The following TMCO4 variants were observed in gnomAD, a reference collection of about 807,000 sequenced individuals.
TMCO4 encodes the protein transmembrane and coiled-coil domains 4, also known as transmembrane and coiled-coil domain-containing protein 4.
Under a neutral mutation model 64.7 loss-of-function variants are expected in TMCO4, and 58 were observed. The ratio of observed to expected loss-of-function variants is 0.90; its 90% CI spans 0.73 to 1.12. TMCO4 has a LOEUF of 1.12. Among genes scored for constraint, TMCO4 ranks in the 50% most tolerant of loss-of-function variants. TMCO4 has a pLI of 0.00. For missense variants in TMCO4, 780 were observed against 825.9 expected, an observed-to-expected ratio of 0.94 and a Z score of 0.68; for synonymous variants, 325 against 346.1, an observed-to-expected ratio of 0.94 and a Z score of 0.68.
At chr1:19,791,403 T>C (rs2044029483) in intron 2 of TMCO4, among the ~76,000 whole-genome samples, 1 of 151,996 alleles carries the variant, frequency 6.6e-6, no homozygotes, top group Non-Finnish European at 1.5e-5. Context: ...GCTTCTCAGC[T>C]CTCCATGATG....
intron 6 of TMCO4, among the ~76,000 whole-genome samples, chr1:19,762,148 AG>A (rs1406519143): frequency 1.3e-5 from 2 of 152,188 alleles, no homozygotes; most frequent in Admixed American, 6.5e-5. Flanking sequence ...TTCCACTATG[AG>A]TGCCTTTTAA....
intron 4 of TMCO4, among the ~76,000 whole-genome samples, chr1:19,773,541 G>T (rs2043079145): frequency 6.6e-6 from 1 of 152,224 alleles, no homozygotes; most frequent in South Asian, 2.1e-4. Context: ...CTTCAGCTGA[G>T]GCAGGCCCAA....
intron 13 of TMCO4, among the ~76,000 whole-genome samples, chr1:19,721,068 A>G (rs1472891753): frequency 6.6e-6 from 1 of 152,202 alleles, no homozygotes; most frequent in Non-Finnish European, 1.5e-5. Context: ...CCAACCTCAG[A>G]GGAATGCTCC....
chr1:19,694,444 A>G lies in TMCO4; in HGVS notation c.1490T>C (p.Leu497Pro). ...CAGGCCGACACTCACCACAGAGGTC[A>G]GGTCCACGTTCTCCACCCTCCTGTC... ...LQDRRVENVD[L>P]TSVVSGHLDY... is the part of the protein sequence containing the mutation. Residue 497 changes from leucine (L) to proline (P), a missense_variant, in exon 15 of 16, where the codon CTG becomes CCG. Leu to Pro is a moderately conservative substitution (Grantham distance 98). Transcript: ENST00000294543. 2 of 1,613,878 alleles carry G rather than the reference A, an allele frequency of 1.2e-6. No individual in the cohort carries two copies. The highest frequency in any genetic ancestry group is 1.1e-5 in the South Asian group (1 of 91,052).
chr1:19,701,737 G>T (rs573587251), intron 13 of TMCO4, among the ~76,000 whole-genome samples: 1 of 152,224 alleles, frequency 6.6e-6, no homozygotes, highest in East Asian at 1.9e-4. Context: ...AGTGGGGGGT[G>T]AAGAGGAGAG....
rs55783904 is a variant in TMCO4 at position 19,685,710 on chromosome 1, C to CTTTTTTTTTTTT, written c.1501-2278_1501-2267dup. Among the ~76,000 whole-genome samples the CTTTTTTTTTTTT allele has an allele frequency of 2.3e-3, 249 of 106,586 alleles. 23 individuals carry two copies. Among genetic ancestry groups the CTTTTTTTTTTTT allele is most frequent in the Middle Eastern group, 5.4e-3 (1 of 184 alleles). 69.9% of individuals were successfully genotyped at this position (106,586 alleles called of 152,430 possible). A position where few individuals can be genotyped will look rare whatever the true frequency, so the allele number is the denominator to read the frequency against. ...CTGGGATTTGAATCCAGGCCTGTTT[C>CTTTTTTTTTTTT]TTTTTTTTTTTTTTTTTTTTTGAGA... On this transcript the variant is annotated intron_variant, in intron 15 of 15. Coordinates refer to ENST00000294543, the MANE Select transcript of TMCO4 (RefSeq NM_181719.7).
chr1:19,734,182 G>A lies in TMCO4; in HGVS notation c.1264+3190C>T, dbSNP rs1271711807. 6.6e-6 allele frequency among the ~76,000 whole-genome samples: 1 copy of A among 152,170 alleles called. No individual in the cohort carries two copies. Among genetic ancestry groups the A allele is most frequent in the Non-Finnish European group, 1.5e-5 (1 of 68,032 alleles). ...ACCAAGAGGGAACAATGGAAATAGA[G>A]CTTGGTCTGCTGGAGCCCGGCATGT... On this transcript the variant is annotated intron_variant, in intron 13 of 15. Transcript: ENST00000294543. This position sits in a 1 kb window ranked among gnomAD's most constrained non-coding sequence, Gnocchi z 4.4.
intron 15 of TMCO4, among the ~76,000 whole-genome samples, chr1:19,684,566 C>T (rs774036943): frequency 8.5e-5 from 13 of 152,138 alleles, no homozygotes; most frequent in Non-Finnish European, 2.9e-5. Context: ...GTAGTTTCAC[C>T]AGAGGTTGGC....
chr1:19,723,659 C>T (rs796614365), intron 13 of TMCO4, among the ~76,000 whole-genome samples: 2 of 152,230 alleles, frequency 1.3e-5, no homozygotes, highest in Admixed American at 6.5e-5. Context: ...ATCATCACTG[C>T]GTTTCAGGGT....
intron 15 of TMCO4, among the ~76,000 whole-genome samples, chr1:19,691,498 C>G (rs888564099): frequency 1.3e-5 from 2 of 152,182 alleles, no homozygotes; most frequent in African/African-American, 4.8e-5. Context: ...CCCATGTTAT[C>G]AAATGCTCAG....
intron 13 of TMCO4, among the ~76,000 whole-genome samples, chr1:19,712,295 C>T (rs995748711): frequency 6.6e-6 from 1 of 152,138 alleles, no homozygotes; most frequent in Admixed American, 6.6e-5. Context: ...TAACATCAAA[C>T]ATCACTGATC....
chr1:19,702,482 C>A (rs866816368), intron 13 of TMCO4, among the ~76,000 whole-genome samples: 9 of 152,016 alleles, frequency 5.9e-5, no homozygotes, highest in African/African-American at 2.2e-4. Context: ...GTAATCCCAG[C>A]TATTTGGGAG....
chr1:19,711,680 A>G (rs1274363237), intron 13 of TMCO4, among the ~76,000 whole-genome samples: 1 of 150,794 alleles, frequency 6.6e-6, no homozygotes, highest in Non-Finnish European at 1.5e-5. Context: ...TTTTTGAGAC[A>G]GAGTTTTGCT....
chr1:19,780,511 C>T, intron 4 of TMCO4, 69 bp downstream of exon 4: 9 of 1,509,838 alleles, frequency 6.0e-6, no homozygotes, highest in Non-Finnish European at 8.0e-6. Context: ...GCCTGGCAGG[C>T]TGTTTGGCTG....
intron 14 of TMCO4, among the ~76,000 whole-genome samples, chr1:19,695,924 G>A (rs2095233373): frequency 3.9e-5 from 6 of 152,174 alleles, no homozygotes; most frequent in South Asian, 4.2e-4. Context: ...TATGGCCAAC[G>A]TATCAGAGTC....
In TMCO4 at chr1:19,734,667, C is replaced by T. The variant is rs1557533174; in HGVS notation, c.1264+2705G>A. Reference sequence around the variant, plus strand: ...CACCGTTTCTAGACACCCCTGAGAGCCCCGCCTTTGCCCATGCTGGCCGAC... The same window carrying T: ...CACCGTTTCTAGACACCCCTGAGAGTCCCGCCTTTGCCCATGCTGGCCGAC... On this transcript the variant is annotated intron_variant, in intron 13 of 15. Transcript: ENST00000294543. This position sits in a 1 kb window ranked among gnomAD's most constrained non-coding sequence, Gnocchi z 4.4. Among the ~76,000 whole-genome samples the T allele has an allele frequency of 6.6e-6, 1 of 152,154 alleles. No homozygotes were observed. The highest frequency in any genetic ancestry group is 6.5e-5 in the Admixed American group (1 of 15,276).
chr1:19,692,815 T>G (rs1243758609), intron 15 of TMCO4, among the ~76,000 whole-genome samples: 1 of 151,946 alleles, frequency 6.6e-6, no homozygotes, highest in African/African-American at 2.4e-5. Flanking sequence ...AGTGTCCACA[T>G]GGGAAGCTAT....
At position 19,704,889 on chromosome 1, in the gene TMCO4, A is replaced by G. The variant is rs528308002; in HGVS notation, c.1265-4004T>C. ...GCCAAACCAAGCTGGCAACACATTT[A>G]CCCATCTCTGAAGCTGGGCTGGCAG... On this transcript the variant is annotated intron_variant, in intron 13 of 15. Transcript: ENST00000294543. Among the ~76,000 whole-genome samples, 8 of 152,174 alleles carry G rather than the reference A, an allele frequency of 5.3e-5. No individual in the cohort carries two copies. In the South Asian group the frequency reaches 1.7e-3, roughly 32 times the overall value.
chr1:19,744,812 G>C (rs924178924), intron 10 of TMCO4, among the ~76,000 whole-genome samples: 46 of 152,202 alleles, frequency 3.0e-4, no homozygotes, highest in African/African-American at 1.1e-3. Flanking sequence ...TTCCCCTATT[G>C]TGCCATCCAT....
Sources: allele counts gnomAD v4.1 joint callset (sites outside exome capture counted in the v4.1 genomes callset), GRCh38; gene constraint gnomAD v4.1.1; non-coding constraint Gnocchi (gnomAD v3.1); transcripts MANE v1.5; gene names NCBI Gene and HGNC (gene_info 2026-07-23, HGNC 2026-07-21).